Variants in CALU observed in about 807,000 individuals in gnomAD.
The protein encoded by CALU is IEF SSP 9302.
A neutral mutation model predicts 37.5 loss-of-function variants in CALU; 13 were observed. The ratio of observed to expected loss-of-function variants is 0.35; its 90% confidence interval spans 0.23 to 0.55. CALU has a LOEUF of 0.55. Ranked by LOEUF, CALU falls within the 20% of genes least tolerant of loss-of-function variation. The pLI is 0.89. For missense variants in CALU, 282 were observed against 391.7 expected (o/e 0.72, Z 2.36); for synonymous variants, 114 against 133.8 (o/e 0.85, Z 1.02).
rs1214020159 is a variant in CALU, at chr7:128,771,440, A to T, written c.*2273A>T. ...TTTATATTCTGCAATGCGAACAGGT[A>T]CCTATCTGTTTCTAAATAAAACTGT... On this transcript the variant is annotated 3_prime_UTR_variant, in exon 7 of 7. Coordinates refer to ENST00000249364, the MANE Select transcript of CALU (RefSeq NM_001219.5). The T allele has an allele frequency of 6.6e-6, 1 of 152,640 alleles. No homozygotes were observed. The highest frequency in any genetic ancestry group is 2.4e-5 in the African/African-American group (1 of 41,446). The allele number at this position is 152,640 out of a possible 1,614,324, so 9.5% of individuals were successfully genotyped here.
At position 128,773,127 on chromosome 7, in the gene CALU, C is replaced by T. The variant is rs1209553908; in HGVS notation, c.*3960C>T. 6.6e-6 allele frequency among the ~76,000 whole-genome samples: 1 copy of T among 152,176 alleles called. No homozygotes were observed. The highest frequency in any genetic ancestry group is 1.9e-4 in the East Asian group (1 of 5,198). On this transcript the variant is annotated 3_prime_UTR_variant, in exon 7 of 7. Transcript: ENST00000249364. ...AGATGGGATAGGAAATCCCCCAGTA[C>T]CTTCAGATGATAAGATATTTTAGAG...
chr7:128,754,358 CGAG>C lies in CALU; in HGVS notation c.321_323del (p.Glu107del). 1 of 1,614,062 alleles carries C rather than the reference CGAG, an allele frequency of 6.2e-7. No individual in the cohort carries two copies. Among genetic ancestry groups the C allele is most frequent in the Non-Finnish European group, 8.5e-7 (1 of 1,179,962 alleles). ...AATTTGCACAAAAGCGCTGGATTTA[CGAG>C]GATGTAGAGCGACAGTGGAAGGGGC... On this transcript the variant is annotated inframe_deletion, in exon 3 of 7. Coordinates refer to ENST00000249364, the MANE Select transcript of CALU (RefSeq NM_001219.5).
In CALU at chr7:128,772,159, A is replaced by G. The variant is rs1801607435; in HGVS notation, c.*2992A>G. Reference sequence around the variant, plus strand: ...TCTAATTCAGCATATATCATCTCAGAATGGATCCCCAGCAGGAAAAAAAAA... The same window carrying G: ...TCTAATTCAGCATATATCATCTCAGGATGGATCCCCAGCAGGAAAAAAAAA... On this transcript the variant is annotated 3_prime_UTR_variant, in exon 7 of 7. Transcript: ENST00000249364. Among the ~76,000 whole-genome samples the G allele has an allele frequency of 7.1e-6, 1 of 141,120 alleles. No homozygotes were observed. The highest frequency in any genetic ancestry group is 7.5e-5 in the Admixed American group (1 of 13,370). The allele number at this position is 141,120 out of a possible 152,430, so 92.6% of individuals were successfully genotyped here.
At chr7:128,753,719 C>G (rs530324661) in intron 2 of CALU, among the ~76,000 whole-genome samples, 1 of 152,194 alleles carries the variant, frequency 6.6e-6, no homozygotes, top group African/African-American at 2.4e-5. Context: ...TAAATGATCC[C>G]AGAACTTTTC....
chr7:128,768,863 A>AAAAAAAAAAAAAAAAAAAC (rs1554368156), intron 6 of CALU, among the ~76,000 whole-genome samples, 200 bp from the exon 7 acceptor site: 8 of 148,050 alleles, frequency 5.4e-5, no homozygotes, highest in African/African-American at 1.8e-4. Context: ...AAAAAAAAAA[A>AAAAAAAAAAAAAAAAAAAC]AAAAACAAGG....
Position 128,772,548 on chromosome 7 carries a change from G to A in CALU, c.*3381G>A. On this transcript the variant is annotated 3_prime_UTR_variant, in exon 7 of 7. Coordinates refer to ENST00000249364, the MANE Select transcript of CALU (RefSeq NM_001219.5). ...AGGCCAATATTGGGTCCTCAGTTGG[G>A]GCCAACTTGGGTAGACGAGACAGTA... The A allele has an allele frequency of 6.2e-7, 1 of 1,614,098 alleles. No homozygotes were observed. Among genetic ancestry groups the A allele is most frequent in the Non-Finnish European group, 8.5e-7 (1 of 1,180,010 alleles).
chr7:128,745,911 A>G (rs886703950), intron 1 of CALU, among the ~76,000 whole-genome samples: 3 of 152,132 alleles, frequency 2.0e-5, no homozygotes, highest in African/African-American at 7.2e-5. Context: ...AGCCCACCCC[A>G]TTCCTGTCTC....
chr7:128,772,729 C>T lies in CALU; in HGVS notation c.*3562C>T. On this transcript the variant is annotated 3_prime_UTR_variant, in exon 7 of 7. Coordinates refer to ENST00000249364, the MANE Select transcript of CALU (RefSeq NM_001219.5). Reference sequence around the variant, plus strand: ...AGTATGGGAAAAAAGACCTTATTCTCTGTATCACCAAAGCCTTGCACAATG... The same window carrying T: ...AGTATGGGAAAAAAGACCTTATTCTTTGTATCACCAAAGCCTTGCACAATG... 6.3e-7 allele frequency: 1 copy of T among 1,599,298 alleles called. No individual in the cohort carries two copies. Among genetic ancestry groups the T allele is most frequent in the Non-Finnish European group, 8.6e-7 (1 of 1,167,092 alleles).
intron 3 of CALU, among the ~76,000 whole-genome samples, chr7:128,757,098 T>A (rs1008654814): frequency 1.3e-5 from 2 of 151,544 alleles, no homozygotes; most frequent in African/African-American, 2.4e-5. Context: ...AAAAAAAAAA[T>A]TGTATCTTCC....
In CALU at chr7:128,754,701, G is replaced by A. The variant is rs140316977; in HGVS notation, c.415+246G>A. 65 of 1,551,092 alleles carry A rather than the reference G, an allele frequency of 4.2e-5. 1 individual carries two copies. In the East Asian group the frequency reaches 1.2e-3, roughly 28 times the overall value. On this transcript the variant is annotated intron_variant, in intron 3 of 6. Transcript: ENST00000249364. ...AATCTCCTGGGATGAGTACAGAAAC[G>A]TGACTTATGGCACTTACCTGGGTAA...
chr7:128,743,606 C>T (rs191695344), intron 1 of CALU, among the ~76,000 whole-genome samples: 12 of 151,886 alleles, frequency 7.9e-5, no homozygotes, highest in Admixed American at 1.3e-4. Context: ...ACTGTAACCT[C>T]GTGTCTCCGG....
At chr7:128,744,042 C>T (rs1404085092) in intron 1 of CALU, among the ~76,000 whole-genome samples, 1 of 152,046 alleles carries the variant, frequency 6.6e-6, no homozygotes, top group Admixed American at 6.5e-5. Context: ...CCTGTATCTA[C>T]TAAAAATACA....
In CALU at chr7:128,772,778, G is replaced by T; in HGVS notation, c.*3611G>T. The T allele has an allele frequency of 4.3e-6, 6 of 1,391,312 alleles. No homozygotes were observed. The highest frequency in any genetic ancestry group is 6.1e-6 in the Non-Finnish European group (6 of 990,218). The allele number at this position is 1,391,312 out of a possible 1,614,324, so 86.2% of individuals were successfully genotyped here. On this transcript the variant is annotated 3_prime_UTR_variant, in exon 7 of 7. Coordinates refer to ENST00000249364, the MANE Select transcript of CALU (RefSeq NM_001219.5). ...TGCTTTGTACCCAGAATGCCCTTAG[G>T]TGGTTTTGAATCTATCTTCCCCATC...
intron 6 of CALU, among the ~76,000 whole-genome samples, chr7:128,767,990 T>A (rs1297200419): frequency 6.6e-6 from 1 of 152,158 alleles, no homozygotes; most frequent in Non-Finnish European, 1.5e-5. Context: ...TTCCTTTACC[T>A]ATTACAGGCC....
intron 3 of CALU, among the ~76,000 whole-genome samples, chr7:128,756,546 AATC>A (rs1035271295): frequency 9.8e-5 from 15 of 152,324 alleles, no homozygotes; most frequent in Admixed American, 4.6e-4. Flanking sequence ...TTCAGGTATA[AATC>A]ATCATAGCTC....
chr7:128,761,840 A>G lies in CALU; in HGVS notation c.643+1988A>G, dbSNP rs924359552. Among the ~76,000 whole-genome samples, 3 of 152,176 alleles carry G rather than the reference A, an allele frequency of 2.0e-5. No individual in the cohort carries two copies. In the South Asian group the frequency reaches 6.2e-4, roughly 32 times the overall value. ...AAAGGAAGACTTAATCCTTACCTCTATCACCTGTCATTAAACTGTATGGAG... is the reference window on the plus strand; with the variant it reads ...AAAGGAAGACTTAATCCTTACCTCTGTCACCTGTCATTAAACTGTATGGAG... On this transcript the variant is annotated intron_variant, in intron 5 of 6. Transcript: ENST00000249364.
chr7:128,758,972 A>G lies in CALU; in HGVS notation c.517A>G (p.Lys173Glu), dbSNP rs1800994298. ...ADKDGDLIAT[K>E]EEFTAFLHPE... ...CAAGGATGGAGACCTCATTGCCACCAAGGAGGAGTTCACAGCTTTCCTGCA... is the reference window on the plus strand; with the variant it reads ...CAAGGATGGAGACCTCATTGCCACCGAGGAGGAGTTCACAGCTTTCCTGCA... Residue 173 changes from lysine (K) to glutamate (E), a missense_variant, in exon 4 of 7, where the codon AAG becomes GAG. Lys to Glu is a moderately conservative substitution (Grantham distance 56). Coordinates refer to ENST00000249364, the MANE Select transcript of CALU (RefSeq NM_001219.5). 6.2e-7 allele frequency: 1 copy of G among 1,613,864 alleles called. No individual in the cohort carries two copies. Among genetic ancestry groups the G allele is most frequent in the South Asian group, 1.1e-5 (1 of 91,084 alleles).
At chr7:128,761,739 A>G (rs1402460765) in intron 5 of CALU, 3 of 152,186 alleles carry the variant, frequency 2.0e-5, no homozygotes, top group Non-Finnish European at 4.4e-5. Flanking sequence ...CTAGCACACC[A>G]TTGGTTTTGT....
rs778452133 is a variant in CALU, at chr7:128,769,057, TTTC to T, written c.844-5_844-3del. Reference sequence around the variant, plus strand: ...TTCTTCAATTCATTGCTATCTCTACTTTCAGGATGGCAAGCTTACCAAGGAGGA... The same window carrying T: ...TTCTTCAATTCATTGCTATCTCTACTAGGATGGCAAGCTTACCAAGGAGGA... On this transcript the variant is annotated splice_region_variant and splice_polypyrimidine_tract_variant and intron_variant, in intron 6 of 6. Coordinates refer to ENST00000249364, the MANE Select transcript of CALU (RefSeq NM_001219.5). 6.4e-7 allele frequency: 1 copy of T among 1,552,398 alleles called. No homozygotes were observed. The highest frequency in any genetic ancestry group is 1.7e-5 in the Admixed American group (1 of 59,654).
Sources: allele counts gnomAD v4.1 joint callset (sites outside exome capture counted in the v4.1 genomes callset), GRCh38; gene constraint gnomAD v4.1.1; transcripts MANE v1.5; gene names NCBI Gene and HGNC (gene_info 2026-07-23, HGNC 2026-07-21).